The following RGS7 variants were observed in gnomAD, a reference collection of about 807,000 sequenced individuals.
RGS7 encodes the protein regulator of G-protein signaling 7.
In RGS7, 27 loss-of-function variants were observed where a neutral mutation model predicts 81.1. That is an observed-to-expected ratio of 0.33 (90% CI 0.25 to 0.46). The LOEUF (loss-of-function observed/expected upper bound fraction) is 0.46, where lower values mean the gene tolerates loss of function less well. Ranked by LOEUF, RGS7 falls within the 20% of genes least tolerant of loss-of-function variation. The probability of loss-of-function intolerance (pLI) is 1.00; values close to 1 mark genes in which losing one functional copy is unlikely to be tolerated. For missense variants in RGS7, 396 were observed against 607.4 expected (o/e 0.65, Z 3.66); for synonymous variants, 208 against 207.7 (o/e 1.00, Z -0.01).
At chr1:241,108,707 A>G (rs2065301742) in intron 2 of RGS7, among the ~76,000 whole-genome samples, 1 of 152,142 alleles carries the variant, frequency 6.6e-6, no homozygotes, top group Non-Finnish European at 1.5e-5. Flanking sequence ...CTGATCCTAG[A>G]GGGTAGGCAG....
chr1:240,822,512 G>A (rs965380753), intron 10 of RGS7, among the ~76,000 whole-genome samples: 1 of 152,070 alleles, frequency 6.6e-6, no homozygotes, highest in African/African-American at 2.4e-5. Flanking sequence ...CAAAGTCTGG[G>A]TTTCTTCCCT....
intron 2 of RGS7, among the ~76,000 whole-genome samples, chr1:241,174,117 G>A (rs2070933538): frequency 6.6e-6 from 1 of 152,214 alleles, no homozygotes; most frequent in South Asian, 2.1e-4. Context: ...GAGGTCTGCT[G>A]GAGATAAACC....
chr1:241,099,486 G>A (rs1168547619), intron 2 of RGS7, among the ~76,000 whole-genome samples: 1 of 152,060 alleles, frequency 6.6e-6, no homozygotes, highest in Admixed American at 6.5e-5. Flanking sequence ...ACAGCCTTCT[G>A]TCCGTTTACT....
At chr1:241,304,354 G>A (rs575028054) in intron 2 of RGS7, among the ~76,000 whole-genome samples, 10 of 152,260 alleles carry the variant, frequency 6.6e-5, no homozygotes, top group African/African-American at 1.2e-4. Context: ...CCATGGTCAC[G>A]GCTAAAACCA....
At chr1:241,155,251 C>T (rs988880620) in intron 2 of RGS7, among the ~76,000 whole-genome samples, 2 of 152,206 alleles carry the variant, frequency 1.3e-5, no homozygotes. Flanking sequence ...CAGGTGCATA[C>T]CCCGAGGCCC....
chr1:240,990,180 G>A (rs1157295580), intron 3 of RGS7, among the ~76,000 whole-genome samples: 4 of 152,148 alleles, frequency 2.6e-5, no homozygotes, highest in Non-Finnish European at 5.9e-5. Flanking sequence ...TCATGCTGGC[G>A]AGAGGTATCG....
At chr1:241,355,439 G>T (rs1056457435) in intron 2 of RGS7, among the ~76,000 whole-genome samples, 1 of 152,220 alleles carries the variant, frequency 6.6e-6, no homozygotes, top group Non-Finnish European at 1.5e-5. Flanking sequence ...ATGCCCAAAC[G>T]TGCTGTCATT....
rs184562203 is a variant in RGS7 at position 241,091,374 on chromosome 1, C to A, written c.175+7292G>T. Among the ~76,000 whole-genome samples the A allele has an allele frequency of 9.8e-4, 148 of 151,686 alleles. No homozygotes were observed. The East Asian group carries it at 0.011, about 11-fold the overall frequency. On this transcript the variant is annotated intron_variant, in intron 3 of 18. Transcript: ENST00000440928. ...CCATCTTGGCTAACACGGTGAAACC[C>A]CGTCTCTATTAAAAATACAAAAAAT...
At chr1:241,263,226 G>A (rs1345887513) in intron 2 of RGS7, among the ~76,000 whole-genome samples, 4 of 152,024 alleles carry the variant, frequency 2.6e-5, no homozygotes, top group African/African-American at 7.2e-5. Context: ...GCAGTGACCC[G>A]AGATCTCGCC....
intron 2 of RGS7, among the ~76,000 whole-genome samples, chr1:241,183,855 G>T (rs770926389): frequency 6.6e-6 from 1 of 152,206 alleles, no homozygotes; most frequent in Non-Finnish European, 1.5e-5. Context: ...CTTGGCACAC[G>T]AAGGACATCA....
intron 3 of RGS7, among the ~76,000 whole-genome samples, chr1:241,068,588 G>A (rs909158916): frequency 6.6e-6 from 1 of 152,038 alleles, no homozygotes; most frequent in Non-Finnish European, 1.5e-5. Context: ...GAGTGGAGGA[G>A]CTGAGCTTGA....
At chr1:241,031,713 T>C (rs1472764874) in intron 3 of RGS7, among the ~76,000 whole-genome samples, 1 of 152,224 alleles carries the variant, frequency 6.6e-6, no homozygotes, top group East Asian at 1.9e-4. Context: ...CATTTGCATT[T>C]ATCTGATAAT....
chr1:240,938,179 C>G (rs1676962655), intron 4 of RGS7, among the ~76,000 whole-genome samples: 1 of 152,240 alleles, frequency 6.6e-6, no homozygotes. Flanking sequence ...CTCAAGTTCC[C>G]CACTTTGCCC....
intron 2 of RGS7, among the ~76,000 whole-genome samples, chr1:241,236,690 T>C (rs1190374340): frequency 6.6e-6 from 1 of 152,142 alleles, no homozygotes; most frequent in Non-Finnish European, 1.5e-5. Context: ...AAGTTTCCAG[T>C]TTTATTGCCA....
intron 6 of RGS7, among the ~76,000 whole-genome samples, chr1:240,886,532 T>G (rs1667364263): frequency 6.6e-6 from 1 of 152,222 alleles, no homozygotes; most frequent in Non-Finnish European, 1.5e-5. Flanking sequence ...ACATATTTCA[T>G]TGAATATCTG....
chr1:241,090,178 G>C (rs1298568003), intron 3 of RGS7, among the ~76,000 whole-genome samples: 1 of 152,104 alleles, frequency 6.6e-6, no homozygotes, highest in Non-Finnish European at 1.5e-5. Flanking sequence ...GGTGCATGTG[G>C]AGACTAGTTA....
At chr1:241,249,460 T>C (rs2815863) in intron 2 of RGS7, among the ~76,000 whole-genome samples, 3,504 of 152,294 alleles carry the variant, frequency 0.023, 137 homozygotes, top group African/African-American at 0.08. Flanking sequence ...AATACTACAC[T>C]GTTTTGCTTA....
intron 2 of RGS7, among the ~76,000 whole-genome samples, chr1:241,340,218 A>G (rs1033438872): frequency 6.6e-6 from 1 of 152,180 alleles, no homozygotes; most frequent in Non-Finnish European, 1.5e-5. Context: ...ATTGCCTGAG[A>G]CTAAGATATC....
At chr1:241,087,976 C>CTATATA (rs1191726960) in intron 3 of RGS7, among the ~76,000 whole-genome samples, 9 of 94,732 alleles carry the variant, frequency 9.5e-5, no homozygotes, top group East Asian at 5.4e-4. Flanking sequence ...CTCTCTCTCT[C>CTATATA]TATATATATA....
Sources: gnomAD v4.1 joint callset for allele counts (sites outside exome capture counted in the v4.1 genomes callset) on GRCh38, gnomAD v4.1.1 for gene constraint, MANE v1.5 for transcripts, NCBI Gene and HGNC (gene_info 2026-07-23, HGNC 2026-07-21) for gene names.